Variants in SMPD4 observed in about 807,000 individuals in gnomAD.
SMPD4 encodes the protein neutral sphingomyelinase 3.
SMPD4 carries 58 observed loss-of-function variants against 97.8 expected under a neutral mutation model. The observed-to-expected ratio is 0.59, with a 90% CI of 0.48 to 0.74. The LOEUF is 0.74. Ranked by LOEUF, SMPD4 falls within the 30% of genes least tolerant of loss-of-function variation. The pLI is 0.00. For missense variants in SMPD4, 853 were observed against 1,080.5 expected (o/e 0.79, Z 2.95); for synonymous variants, 388 against 450.0 (o/e 0.86, Z 1.74).
intron 11 of SMPD4, chr2:130,157,986 A>T (rs1346390574): frequency 9.1e-6 from 2 of 219,606 alleles, no homozygotes; most frequent in East Asian, 2.7e-4. Context: ...AAAAATTTTT[A>T]AAAGTTAGCT....
At chr2:130,168,549 G>A (rs998868904) in intron 8 of SMPD4, among the ~76,000 whole-genome samples, 15 of 151,426 alleles carry the variant, frequency 9.9e-5, no homozygotes, top group Non-Finnish European at 1.3e-4. Flanking sequence ...AGACAGGATC[G>A]TACCCTATCG....
In SMPD4 at chr2:130,153,937, T is replaced by C. The variant is rs780112892; in HGVS notation, c.1660-2A>G. The C allele has an allele frequency of 1.9e-6, 3 of 1,612,438 alleles. No homozygotes were observed. Among genetic ancestry groups the C allele is most frequent in the Non-Finnish European group, 1.7e-6 (2 of 1,179,222 alleles). ...GATGAGCTGAGCGAGGCGCAGGACC[T>C]GCAAGGGAGGCGCGGGCAGGTCACC... On this transcript the variant is annotated splice_acceptor_variant, in intron 16 of 19. Transcript: ENST00000680298. LOFTEE classifies it high-confidence loss of function.
In SMPD4 at chr2:130,156,056, G is replaced by A. The variant is rs1364789752; in HGVS notation, c.1268C>T (p.Pro423Leu). 2.5e-6 allele frequency: 4 copies of A among 1,611,492 alleles called. No homozygotes were observed. Among genetic ancestry groups the A allele is most frequent in the East Asian group, 4.5e-5 (2 of 44,854 alleles). The change falls in exon 14 of 20, where the codon CCC becomes CTC. Residue 423 changes from proline to leucine, a missense_variant. Physicochemically the swap from Pro to Leu is moderately conservative, Grantham distance 98. Around this residue, in one of 3 missense-constraint regions of SMPD4, gnomAD observed 511 missense variants for 608.1 expected, o/e 0.84. Transcript: ENST00000680298. ...DKQAPGSDSQ[P>L]RCVSEKWAPF... The stretch of plus-strand genomic sequence containing the variant: ...TCACCATTTCTCCGACACACACCGG[G>A]GCTGGGAGTCGCTGCCCGGAGCCTG...
At position 130,167,445 on chromosome 2, in the gene SMPD4, G is replaced by A. The variant is rs765391918; in HGVS notation, c.792+13C>T. 2 of 1,612,792 alleles carry A rather than the reference G, an allele frequency of 1.2e-6. No homozygotes were observed. The highest frequency in any genetic ancestry group is 2.2e-5 in the South Asian group (2 of 91,040). On this transcript the variant is annotated intron_variant, in intron 9 of 19. Transcript: ENST00000680298. The stretch of plus-strand genomic sequence containing the variant: ...CTGGCTGAACAGTTTCTTTTGACCA[G>A]CTCAACTCTCACCTGGAGCAGAGTT...
intron 1 of SMPD4, among the ~76,000 whole-genome samples, chr2:130,179,579 G>A (rs1390463025): frequency 6.6e-6 from 1 of 151,744 alleles, no homozygotes; most frequent in African/African-American, 2.4e-5. Flanking sequence ...GTAGAGGCGG[G>A]TTTCCCTATG....
At chr2:130,164,605 A>G (rs928984495) in intron 9 of SMPD4, among the ~76,000 whole-genome samples, 160 bp from the exon 10 acceptor site, 1 of 152,184 alleles carries the variant, frequency 6.6e-6, no homozygotes, top group African/African-American at 2.4e-5. Flanking sequence ...ACCAAAAAAT[A>G]ACTCAAAATG....
At chr2:130,176,458 A>G (rs1688988853) in intron 2 of SMPD4, 96 bp downstream of exon 2, 1 of 978,272 alleles carries the variant, frequency 1.0e-6, no homozygotes, top group Admixed American at 2.7e-5. Context: ...AAAAACAACC[A>G]CTACAGAGTT....
chr2:130,162,090 G>A (rs1372992001), intron 10 of SMPD4, among the ~76,000 whole-genome samples: 1 of 152,214 alleles, frequency 6.6e-6, no homozygotes, highest in Non-Finnish European at 1.5e-5. Context: ...TCTGACTCCT[G>A]GAGGCAGCCT....
intron 17 of SMPD4, 80 bp from the exon 18 acceptor site, chr2:130,153,530 T>C: frequency 1.3e-6 from 2 of 1,591,956 alleles, no homozygotes; most frequent in Non-Finnish European, 1.7e-6. Context: ...CCTACAACAG[T>C]GGCAACAAGG....
chr2:130,161,363 G>A lies in SMPD4; in HGVS notation c.865-91C>T, dbSNP rs181407437. The A allele has an allele frequency of 7.7e-4, 759 of 979,720 alleles. 2 individuals carry two copies. The African/African-American group carries it at 9.5e-3, about 12-fold the overall frequency. The allele number at this position is 979,720 out of a possible 1,614,324, so 60.7% of individuals were successfully genotyped here. A position where few individuals can be genotyped will look rare whatever the true frequency, so the allele number is the denominator to read the frequency against. On this transcript the variant is annotated intron_variant, in intron 10 of 19. Transcript: ENST00000680298. ...GAAGGGGAGAGATAGGACCAGACAC[G>A]GGAGGGGGAAGCGGAGAGAGAAAGA...
chr2:130,173,589 C>T lies in SMPD4; in HGVS notation c.194G>A (p.Gly65Asp). 1 of 1,613,822 alleles carries T rather than the reference C, an allele frequency of 6.2e-7. No individual in the cohort carries two copies. The highest frequency in any genetic ancestry group is 8.5e-7 in the Non-Finnish European group (1 of 1,179,828). Residue 65 changes from glycine to aspartate, a missense_variant, in exon 4 of 20, where the codon GGC becomes GAC. Around this residue, in one of 3 missense-constraint regions of SMPD4, gnomAD observed 313 missense variants for 402.2 expected, o/e 0.78. Coordinates refer to ENST00000680298, the MANE Select transcript of SMPD4 (RefSeq NM_017951.5). ...CCCCTGTAAGCAGCGGAGGTTCCAG[C>T]CAACGAGGACACCATCTAGGCTGCC... is the stretch of plus-strand genomic sequence containing the variant. ...IFGSLDGVLV[G>D]WNLRCLQGRV... is the part of the protein sequence containing the mutation.
chr2:130,154,224 C>A, intron 16 of SMPD4, 53 bp downstream of exon 16: 4 of 1,525,526 alleles, frequency 2.6e-6, no homozygotes, highest in Non-Finnish European at 3.5e-6. Flanking sequence ...CCGGGTTCTG[C>A]TCAGCCCCAT....
At chr2:130,175,270 CTT>C (rs1233736784) in intron 2 of SMPD4, among the ~76,000 whole-genome samples, 1 of 152,188 alleles carries the variant, frequency 6.6e-6, no homozygotes, top group African/African-American at 2.4e-5. Flanking sequence ...ACAGGATTGA[CTT>C]CCACCAATCC....
chr2:130,169,873 G>A (rs7576421), intron 8 of SMPD4, among the ~76,000 whole-genome samples: 56,538 of 151,982 alleles, frequency 0.37, 10,729 homozygotes, highest in East Asian at 0.46. Flanking sequence ...TTTATTATGC[G>A]TGGAAACTTA....
chr2:130,161,888 T>A (rs1463200570), intron 10 of SMPD4, among the ~76,000 whole-genome samples: 2 of 152,180 alleles, frequency 1.3e-5, no homozygotes, highest in African/African-American at 4.8e-5. Context: ...ACCAAATTGG[T>A]ATAAGACATG....
At chr2:130,158,169 C>T (rs1687019816) in intron 11 of SMPD4, 1 of 1,264,004 alleles carries the variant, frequency 7.9e-7, no homozygotes, top group Admixed American at 2.7e-5. Context: ...CACTTTCCTC[C>T]CCAATTCCTC....
At chr2:130,170,763 CA>C (rs879749950) in intron 8 of SMPD4, among the ~76,000 whole-genome samples, 279 of 139,084 alleles carry the variant, frequency 2.0e-3, no homozygotes, top group Non-Finnish European at 2.1e-3. Context: ...GGCCCTGTCT[CA>C]AAAAAAAAAA....
Position 130,172,475 on chromosome 2 carries a change from C to T in SMPD4, c.533G>A (p.Arg178His), listed in dbSNP as rs1027602322. ...GATGAAATAGGCACAGTCTGAAGTA[C>T]GGACGTGGAGGGACACAGGAAGTGG... ...QKPLPVSLHV[R>H]TSDCAYFILV... Residue 178 changes from arginine (R) to histidine (H), a missense_variant, in exon 8 of 20, where the codon CGT becomes CAT. By Grantham distance (29) the Arg-to-His change is conservative. Transcript: ENST00000680298. 3.1e-6 allele frequency: 5 copies of T among 1,611,346 alleles called. No individual in the cohort carries two copies. The highest frequency in any genetic ancestry group is 2.2e-5 in the South Asian group (2 of 90,644).
intron 3 of SMPD4, 146 bp from the exon 4 acceptor site, chr2:130,173,802 G>A: frequency 1.5e-5 from 16 of 1,050,890 alleles, no homozygotes; most frequent in Non-Finnish European, 1.8e-5. Flanking sequence ...CCCAAAGGAA[G>A]CCTGGTGCCA....
Sources: allele counts gnomAD v4.1 joint callset (sites outside exome capture counted in the v4.1 genomes callset), GRCh38; gene constraint gnomAD v4.1.1; regional missense constraint gnomAD v4.1.1; transcripts MANE v1.5; gene names NCBI Gene and HGNC (gene_info 2026-07-23, HGNC 2026-07-21).